SLC8A1: variants seen among roughly 807,000 people sequenced by gnomAD.
SLC8A1 encodes solute carrier family 8 member A1.
A neutral mutation model predicts 68.3 loss-of-function variants in SLC8A1; 18 were observed. The ratio of observed to expected loss-of-function variants is 0.26; its 90% CI spans 0.18 to 0.39. The LOEUF (loss-of-function observed/expected upper bound fraction) is 0.39, where lower values mean the gene tolerates loss of function less well. Ranked by LOEUF, SLC8A1 falls within the 10% of genes least tolerant of loss-of-function variation. The probability of loss-of-function intolerance (pLI) is 1.00; values close to 1 mark genes in which losing one functional copy is unlikely to be tolerated. For synonymous variants in SLC8A1, 475 were observed against 415.5 expected (o/e 1.14, Z -1.74); for missense variants, 985 against 1,156.7 (o/e 0.85, Z 2.15).
chr2:40,352,043 G>A (rs1011126042), intron 2 of SLC8A1, among the ~76,000 whole-genome samples: 23 of 152,146 alleles, frequency 1.5e-4, no homozygotes, highest in Non-Finnish European at 2.9e-4. Context: ...AATGGACGTT[G>A]CTTAAGTCAA....
chr2:40,322,473 A>G (rs928903230), intron 2 of SLC8A1, among the ~76,000 whole-genome samples: 10 of 149,024 alleles, frequency 6.7e-5, no homozygotes, highest in South Asian at 2.2e-4. Context: ...GCTGGGCTAC[A>G]TAGAGAGACC....
chr2:40,243,273 A>G (rs986451664), intron 2 of SLC8A1, among the ~76,000 whole-genome samples: 1 of 152,182 alleles, frequency 6.6e-6, no homozygotes, highest in Non-Finnish European at 1.5e-5. Context: ...CTTGAGCCTC[A>G]GGAGTTCAAG....
chr2:40,385,609 G>C (rs1476341475), intron 2 of SLC8A1, among the ~76,000 whole-genome samples: 1 of 151,180 alleles, frequency 6.6e-6, no homozygotes, highest in African/African-American at 2.5e-5. Flanking sequence ...ATAAAACAAA[G>C]TTTAAACTTT....
chr2:40,156,543 A>C (rs1221108530), intron 6 of SLC8A1, among the ~76,000 whole-genome samples: 1 of 152,118 alleles, frequency 6.6e-6, no homozygotes, highest in Non-Finnish European at 1.5e-5. Flanking sequence ...GAATGTCACA[A>C]ATTACTAGGC....
At chr2:40,159,102 G>A (rs2148439819) in intron 6 of SLC8A1, among the ~76,000 whole-genome samples, 1 of 152,208 alleles carries the variant, frequency 6.6e-6, no homozygotes, top group African/African-American at 2.4e-5. Flanking sequence ...GCCTTAATAG[G>A]TCTATTGATG....
intron 2 of SLC8A1, among the ~76,000 whole-genome samples, chr2:40,327,836 C>A (rs2076009511): frequency 6.6e-6 from 1 of 152,036 alleles, no homozygotes; most frequent in Non-Finnish European, 1.5e-5. Context: ...CAGTCATACC[C>A]CAAACCTTAG....
intron 3 of SLC8A1, among the ~76,000 whole-genome samples, chr2:40,177,304 G>A (rs1445077442): frequency 1.3e-5 from 2 of 152,070 alleles, no homozygotes; most frequent in East Asian, 1.9e-4. Flanking sequence ...CCTGTTAGTT[G>A]CCATTAGGGT....
chr2:40,383,112 A>G (rs574691299), intron 2 of SLC8A1, among the ~76,000 whole-genome samples: 21 of 152,186 alleles, frequency 1.4e-4, no homozygotes, highest in Admixed American at 3.9e-4. Context: ...TTTTTTAATG[A>G]TACGTTCTGT....
chr2:40,381,368 G>C (rs76174996), intron 2 of SLC8A1, among the ~76,000 whole-genome samples: 20 of 152,082 alleles, frequency 1.3e-4, no homozygotes, highest in African/African-American at 4.8e-4. Flanking sequence ...CTTAAAGTAA[G>C]TATAACAAGA....
At chr2:40,157,643 T>C (rs180717512) in intron 6 of SLC8A1, among the ~76,000 whole-genome samples, 72 of 152,224 alleles carry the variant, frequency 4.7e-4, no homozygotes, top group African/African-American at 1.7e-3. Flanking sequence ...GGAGAGAGAT[T>C]TGGGAAAAAC....
chr2:40,415,859 TACACACACACACACACAC>T lies in SLC8A1; in HGVS notation c.1808+12596_1808+12613del, dbSNP rs70957173. On this transcript the variant is annotated intron_variant, in intron 2 of 7. Coordinates refer to ENST00000406785, the Ensembl canonical transcript of SLC8A1. ...TGAAACCCCATCTCTACTAAAAGTA[TACACACACACACACACAC>T]ACACACACACACACACACACACACA... is the stretch of plus-strand genomic sequence containing the variant. Among the ~76,000 whole-genome samples the T allele has an allele frequency of 2.5e-3, 283 of 113,584 alleles. 1 individual carries two copies. Among genetic ancestry groups the T allele is most frequent in the African/African-American group, 6.7e-3 (197 of 29,440 alleles). 74.5% of individuals were successfully genotyped at this position (113,584 alleles called of 152,430 possible).
intron 7 of SLC8A1, among the ~76,000 whole-genome samples, chr2:40,120,396 G>A (rs1470753357): frequency 2.0e-5 from 3 of 152,182 alleles, no homozygotes; most frequent in African/African-American, 7.2e-5. Flanking sequence ...TCATGGTGTA[G>A]TAGTGGAAGA....
intron 2 of SLC8A1, among the ~76,000 whole-genome samples, chr2:40,243,790 AT>A (rs903948106): frequency 6.6e-6 from 1 of 152,010 alleles, no homozygotes; most frequent in Admixed American, 6.6e-5. Context: ...AGTTGAATCT[AT>A]TTTTTTTCCT....
intron 2 of SLC8A1, among the ~76,000 whole-genome samples, chr2:40,236,248 G>A (rs1389372717): frequency 1.3e-5 from 2 of 151,048 alleles, no homozygotes; most frequent in Non-Finnish European, 3.0e-5. Flanking sequence ...TCTCTTTGAA[G>A]GTCACTCAGG....
At chr2:40,319,378 C>G (rs894996931) in intron 2 of SLC8A1, among the ~76,000 whole-genome samples, 1 of 152,044 alleles carries the variant, frequency 6.6e-6, no homozygotes, top group Admixed American at 6.6e-5. Flanking sequence ...CACTTAATAT[C>G]ATCAGGGTTT....
chr2:40,323,384 T>G (rs2075440457), intron 2 of SLC8A1, among the ~76,000 whole-genome samples: 1 of 152,196 alleles, frequency 6.6e-6, no homozygotes, highest in Non-Finnish European at 1.5e-5. Context: ...TTGTCATGTC[T>G]GAATCTCAAA....
chr2:40,481,991 T>C (rs1704657004), intron 1 of SLC8A1, among the ~76,000 whole-genome samples: 1 of 152,194 alleles, frequency 6.6e-6, no homozygotes, highest in African/African-American at 2.4e-5. Flanking sequence ...AGAGGCTTGA[T>C]AAAAACAGAG....
chr2:40,180,294 A>G (rs1402187165), intron 2 of SLC8A1, among the ~76,000 whole-genome samples: 1 of 152,206 alleles, frequency 6.6e-6, no homozygotes, highest in Admixed American at 6.5e-5. Context: ...CCTAATATCC[A>G]AAAATTATAA....
chr2:40,418,629 G>A (rs1018517911), intron 2 of SLC8A1, among the ~76,000 whole-genome samples: 4 of 152,192 alleles, frequency 2.6e-5, no homozygotes, highest in East Asian at 1.9e-4. Flanking sequence ...AAGGACTCAA[G>A]TGTGAGTAAC....
Sources: allele counts gnomAD v4.1 joint callset (sites outside exome capture counted in the v4.1 genomes callset), GRCh38; gene constraint gnomAD v4.1.1; transcripts MANE v1.5; gene names NCBI Gene and HGNC (gene_info 2026-07-23, HGNC 2026-07-21).